TTBK2: variants seen among roughly 807,000 people sequenced by gnomAD.
TTBK2 encodes the protein tau-tubulin kinase 2.
Under a neutral mutation model 110.8 loss-of-function variants are expected in TTBK2, and 28 were observed. The ratio of observed to expected loss-of-function variants is 0.25; its 90% CI spans 0.19 to 0.35. The LOEUF is 0.35. TTBK2 is among the 10% of genes least tolerant of loss of function. The pLI is 1.00. For synonymous variants in TTBK2, 532 were observed against 527.3 expected (o/e 1.01, Z -0.12); for missense variants, 1,369 against 1,500.3 (o/e 0.91, Z 1.45).
intron 6 of TTBK2, among the ~76,000 whole-genome samples, chr15:42,818,354 A>C (rs1274151518): frequency 6.6e-6 from 1 of 152,232 alleles, no homozygotes; most frequent in East Asian, 1.9e-4. Context: ...GGCTCTGAGA[A>C]GTATATAACT....
At chr15:42,788,756 T>C (rs1404457185) in intron 10 of TTBK2, among the ~76,000 whole-genome samples, 14 of 152,202 alleles carry the variant, frequency 9.2e-5, no homozygotes, top group Admixed American at 9.2e-4. Context: ...CTTACTTTTT[T>C]TAGGTGTGTG....
intron 3 of TTBK2, among the ~76,000 whole-genome samples, chr15:42,869,618 A>C (rs965633287): frequency 1.3e-5 from 2 of 152,166 alleles, no homozygotes; most frequent in African/African-American, 4.8e-5. Context: ...AAAGCAAATA[A>C]ACTGAAAAAC....
rs2061791659 is a variant in TTBK2, at chr15:42,746,099, G to A, written c.3431C>T (p.Pro1144Leu). Residue 1144 changes from proline to leucine, a missense_variant, in exon 15 of 15, where the codon CCA (proline) becomes CTA (leucine). Physicochemically the swap from Pro to Leu is moderately conservative, Grantham distance 98 (BLOSUM62 -3). Transcript: ENST00000267890. The stretch of plus-strand genomic sequence containing the variant: ...ACTGGGACTCCTGCGAGGGACAACT[G>A]GACTCTTGGGTGGTGTTTTTGGATT... ...PHNPKTPPKS[P>L]VVPRRSPSAS... 1.2e-6 allele frequency: 2 copies of A among 1,613,930 alleles called. No individual in the cohort carries two copies. The highest frequency in any genetic ancestry group is 1.7e-5 in the Admixed American group (1 of 59,988).
intron 10 of TTBK2, among the ~76,000 whole-genome samples, chr15:42,785,740 GTTTT>G: frequency 6.8e-6 from 1 of 147,426 alleles, no homozygotes; most frequent in South Asian, 2.1e-4. Context: ...ATATTCTAGG[GTTTT>G]TTTTTTTTTT....
At chr15:42,859,075 T>C (rs1452494964) in intron 3 of TTBK2, among the ~76,000 whole-genome samples, 1 of 152,098 alleles carries the variant, frequency 6.6e-6, no homozygotes, top group East Asian at 1.9e-4. Flanking sequence ...GAGTTTGTTT[T>C]ATTTATTTAT....
chr15:42,894,210 G>A (rs940141977), intron 1 of TTBK2, among the ~76,000 whole-genome samples: 7 of 152,098 alleles, frequency 4.6e-5, no homozygotes, highest in African/African-American at 1.7e-4. Context: ...ATGATTGTGA[G>A]GCTTCCCCAG....
In TTBK2 at chr15:42,743,402, T is replaced by A. The variant is rs2061761773; in HGVS notation, c.*2393A>T. ...ATAAAATCACACACACGTACCACAG[T>A]TGTAGCTTCATCAGCTTTTCCAATG... is the stretch of plus-strand genomic sequence containing the variant. On this transcript the variant is annotated 3_prime_UTR_variant, in exon 15 of 15. Coordinates refer to ENST00000267890, the MANE Select transcript of TTBK2 (RefSeq NM_173500.4). 6.6e-6 allele frequency: 1 copy of A among 152,206 alleles called. No homozygotes were observed. Among genetic ancestry groups the A allele is most frequent in the Admixed American group, 6.5e-5 (1 of 15,286 alleles). The allele number at this position is 152,206 out of a possible 1,614,324, so 9.4% of individuals were successfully genotyped here.
intron 9 of TTBK2, among the ~76,000 whole-genome samples, chr15:42,796,596 T>C (rs553527542): frequency 1.3e-3 from 193 of 152,332 alleles, no homozygotes; most frequent in Middle Eastern, 3.4e-3. Flanking sequence ...TCTGGTATTC[T>C]AGACTAAAGT....
intron 1 of TTBK2, among the ~76,000 whole-genome samples, chr15:42,914,986 G>T (rs568159358): frequency 6.6e-6 from 1 of 152,224 alleles, no homozygotes; most frequent in East Asian, 1.9e-4. Context: ...TGTCTTGTTG[G>T]CTGTTAAATC....
chr15:42,902,999 A>AAAAG (rs1162631880), intron 1 of TTBK2, among the ~76,000 whole-genome samples: 15 of 151,944 alleles, frequency 9.9e-5, no homozygotes, highest in South Asian at 4.2e-4. Context: ...AAAAAAAAAA[A>AAAAG]AAAGAAAGAA....
chr15:42,786,423 G>A (rs900942890), intron 10 of TTBK2, among the ~76,000 whole-genome samples: 3 of 152,196 alleles, frequency 2.0e-5, no homozygotes, highest in Non-Finnish European at 4.4e-5. Context: ...CCTGAGGAAA[G>A]AGAAAGGGAA....
chr15:42,858,897 T>C (rs1894048376), intron 3 of TTBK2, among the ~76,000 whole-genome samples: 1 of 152,122 alleles, frequency 6.6e-6, no homozygotes, highest in Non-Finnish European at 1.5e-5. Context: ...GTGAGTTTTA[T>C]CTCCAGGAGT....
Position 42,778,726 on chromosome 15 carries a change from G to GA in TTBK2, c.1198-1485dup, listed in dbSNP as rs370357158. On this transcript the variant is annotated intron_variant, in intron 11 of 14. Transcript: ENST00000267890. Reference sequence around the variant, plus strand: ...CCCAGCAAGATAAGAAGAAAATTATGAAAAAAGATATTAAGAGATATGATG... The same window carrying GA: ...CCCAGCAAGATAAGAAGAAAATTATGAAAAAAAGATATTAAGAGATATGATG... 4.4e-3 allele frequency among the ~76,000 whole-genome samples: 674 copies of GA among 151,750 alleles called. 4 individuals are homozygous for GA. The highest frequency in any genetic ancestry group is 0.015 in the African/African-American group (641 of 41,394).
Position 42,752,544 on chromosome 15 carries a change from T to C in TTBK2, c.2702A>G (p.His901Arg). 1 of 1,614,140 alleles carries C rather than the reference T, an allele frequency of 6.2e-7. No homozygotes were observed. The highest frequency in any genetic ancestry group is 8.5e-7 in the Non-Finnish European group (1 of 1,180,020). Reference sequence around the variant, plus strand: ...GATTTTCTCTCTCTTGCCCTCTTGGTGCAAAAAAGTAGAGAGGTCTCCTTG... The same window carrying C: ...GATTTTCTCTCTCTTGCCCTCTTGGCGCAAAAAAGTAGAGAGGTCTCCTTG... ...GHQGDLSTFL[H>R]QEGKREKITP... Residue 901 changes from histidine to arginine, a missense_variant, in exon 14 of 15, where the codon CAC becomes CGC. Physicochemically the swap from His to Arg is conservative, Grantham distance 29 (BLOSUM62 0). This residue lies in a region of TTBK2 where 1,097 missense variants were observed against 1,114.7 expected (regional missense o/e 0.98). Transcript: ENST00000267890.
At chr15:42,793,707 G>A (rs2140863095) in intron 10 of TTBK2, among the ~76,000 whole-genome samples, 1 of 152,164 alleles carries the variant, frequency 6.6e-6, no homozygotes, top group Admixed American at 6.5e-5. Flanking sequence ...AATTAGCCGG[G>A]CGTGGTGGCA....
intron 14 of TTBK2, among the ~76,000 whole-genome samples, chr15:42,749,098 C>T (rs1282404807): frequency 6.6e-6 from 1 of 152,196 alleles, no homozygotes; most frequent in Non-Finnish European, 1.5e-5. Flanking sequence ...ATCTTTATTA[C>T]ATGCTAAGCA....
Position 42,815,918 on chromosome 15 carries a change from ATATATATTT to A in TTBK2, c.603+1105_603+1113del, listed in dbSNP as rs1222866534. Among the ~76,000 whole-genome samples the A allele has an allele frequency of 3.2e-4, 31 of 97,138 alleles. 2 individuals are homozygous for A. Among genetic ancestry groups the A allele is most frequent in the African/African-American group, 1.5e-3 (26 of 17,868 alleles). The allele number at this position is 97,138 out of a possible 152,430, so 63.7% of individuals were successfully genotyped here. A position where few individuals can be genotyped will look rare whatever the true frequency, so the allele number is the denominator to read the frequency against. On this transcript the variant is annotated intron_variant, in intron 7 of 14. Transcript: ENST00000267890. ...AATATATATATATATTTAAAAATAT[ATATATATTT>A]AAAAATATATATATATATATTTAAA... is the stretch of plus-strand genomic sequence containing the variant.
chr15:42,805,852 C>T (rs1361737618), intron 9 of TTBK2, among the ~76,000 whole-genome samples: 1 of 152,204 alleles, frequency 6.6e-6, no homozygotes, highest in African/African-American at 2.4e-5. Flanking sequence ...GTATTAAAGA[C>T]AGCAGTGTCA....
intron 6 of TTBK2, among the ~76,000 whole-genome samples, chr15:42,825,145 G>A (rs908079068): frequency 6.6e-6 from 1 of 151,998 alleles, no homozygotes; most frequent in Non-Finnish European, 1.5e-5. Context: ...AAAGCAGAGG[G>A]AAAGGAATAT....
Sources: gnomAD v4.1 joint callset for allele counts (sites outside exome capture counted in the v4.1 genomes callset) on GRCh38, gnomAD v4.1.1 for gene constraint, gnomAD v4.1.1 regional missense constraint, MANE v1.5 for transcripts, NCBI Gene and HGNC (gene_info 2026-07-23, HGNC 2026-07-21) for gene names.